ARHGAP28: variants seen among roughly 807,000 people sequenced by gnomAD.
ARHGAP28 encodes rho GTPase-activating protein 28.
Under a neutral mutation model 90.7 loss-of-function variants are expected in ARHGAP28, and 56 were observed. The ratio of observed to expected loss-of-function variants is 0.62; its 90% CI spans 0.50 to 0.77. ARHGAP28 has a LOEUF of 0.77. ARHGAP28 is among the 30% of genes least tolerant of loss of function. The pLI, the probability that ARHGAP28 is intolerant of heterozygous loss-of-function variation, is 0.00. For synonymous variants in ARHGAP28, 308 were observed against 323.3 expected, an observed-to-expected ratio of 0.95 and a Z score of 0.51; for missense variants, 869 against 900.9, an observed-to-expected ratio of 0.96 and a Z score of 0.45.
At chr18:6,912,012 C>A (rs1358978328) in intron 17 of ARHGAP28, 48 bp from the exon 18 acceptor site, 6 of 1,320,866 alleles carry the variant, frequency 4.5e-6, no homozygotes, top group Non-Finnish European at 6.4e-6. Flanking sequence ...TGCGCACGCA[C>A]ACACACACAA....
At chr18:6,877,563 G>T (rs1367766858) in intron 10 of ARHGAP28, among the ~76,000 whole-genome samples, 1 of 152,214 alleles carries the variant, frequency 6.6e-6, no homozygotes, top group Non-Finnish European at 1.5e-5. Flanking sequence ...CGTGAAGCGA[G>T]GTCGGAGCAG....
intron 1 of ARHGAP28, among the ~76,000 whole-genome samples, chr18:6,742,465 C>T (rs568403078): frequency 5.3e-5 from 8 of 151,998 alleles, no homozygotes; most frequent in Non-Finnish European, 7.4e-5. Flanking sequence ...CCATCGTGCC[C>T]GGCCATGACT....
chr18:6,736,428 G>GTTTATTA (rs1005380962), intron 1 of ARHGAP28, among the ~76,000 whole-genome samples: 4 of 151,612 alleles, frequency 2.6e-5, no homozygotes, highest in Non-Finnish European at 5.9e-5. Context: ...GGAAGCAAAT[G>GTTTATTA]TTTATTAATA....
chr18:6,873,770 CA>C lies in ARHGAP28; in HGVS notation c.1212del (p.Lys404AsnfsTer54), dbSNP rs1422848169. The C allele has an allele frequency of 6.2e-7, 1 of 1,612,980 alleles. No homozygotes were observed. Among genetic ancestry groups the C allele is most frequent in the African/African-American group, 1.3e-5 (1 of 74,816 alleles). ...DPGVKVPLVL[Q>X]KFFEKVEESG... ...TGGAGTGAAAGTTCCCCTGGTATTA[CA>C]AAAAGTGAGTAGCAGGCAAATGAAA... On this transcript the variant is annotated frameshift_variant, in exon 9 of 18. Transcript: ENST00000383472. LOFTEE classifies it high-confidence loss of function.
chr18:6,772,748 T>G (rs2056253311), intron 1 of ARHGAP28, among the ~76,000 whole-genome samples: 1 of 152,118 alleles, frequency 6.6e-6, no homozygotes, highest in African/African-American at 2.4e-5. Flanking sequence ...TTTTATTTTT[T>G]TTTGAGACGG....
At chr18:6,845,665 A>G (rs2056860882) in intron 3 of ARHGAP28, among the ~76,000 whole-genome samples, 1 of 152,186 alleles carries the variant, frequency 6.6e-6, no homozygotes, top group South Asian at 2.1e-4. Context: ...ATAAGTGAGA[A>G]CATGCAGTGT....
rs74348152 is a variant in ARHGAP28, at chr18:6,818,927, A to G, written c.123-5835A>G. Among the ~76,000 whole-genome samples, 1,367 of 152,334 alleles carry G rather than the reference A, an allele frequency of 9.0e-3. 15 individuals are homozygous for G. Among genetic ancestry groups the G allele is most frequent in the African/African-American group, 0.03 (1,266 of 41,570 alleles). On this transcript the variant is annotated intron_variant, in intron 1 of 17. Transcript: ENST00000383472. ...AGAATTCACATTTACTTATAACTGC[A>G]AGGGGAAGCTACGTGTCCCCACTTT...
At chr18:6,778,176 G>A (rs1021209625) in intron 1 of ARHGAP28, among the ~76,000 whole-genome samples, 2 of 152,178 alleles carry the variant, frequency 1.3e-5, no homozygotes, top group East Asian at 3.9e-4. Flanking sequence ...TTGATTAGCT[G>A]TATCAACCTT....
chr18:6,741,840 T>C (rs925028518), intron 1 of ARHGAP28, among the ~76,000 whole-genome samples: 4 of 152,226 alleles, frequency 2.6e-5, no homozygotes, highest in Non-Finnish European at 5.9e-5. Flanking sequence ...TGAAAGCTAT[T>C]GAATCAAAAT....
chr18:6,867,764 G>T (rs2057048698), intron 5 of ARHGAP28, among the ~76,000 whole-genome samples: 1 of 152,112 alleles, frequency 6.6e-6, no homozygotes, highest in Non-Finnish European at 1.5e-5. Flanking sequence ...ATTAACAAAT[G>T]ATATTATAAT....
chr18:6,757,124 C>G lies in ARHGAP28; in HGVS notation c.122+27181C>G, dbSNP rs183037410. Among the ~76,000 whole-genome samples, 346 of 152,240 alleles carry G rather than the reference C, an allele frequency of 2.3e-3. 2 individuals are homozygous for G. The highest frequency in any genetic ancestry group is 0.02 in the Middle Eastern group (6 of 294). On this transcript the variant is annotated intron_variant, in intron 1 of 17. Coordinates refer to ENST00000383472, the MANE Select transcript of ARHGAP28 (RefSeq NM_001366230.1). ...CAGTAAAGAGCATTACTTAAAAAAT[C>G]AAGAAAATACTCTTTCTAACCGTTT...
At chr18:6,815,264 A>T (rs1007917822) in intron 1 of ARHGAP28, among the ~76,000 whole-genome samples, 1 of 152,230 alleles carries the variant, frequency 6.6e-6, no homozygotes, top group African/African-American at 2.4e-5. Context: ...AGGGAGCAAG[A>T]TCATTTCCTA....
At chr18:6,881,487 G>A (rs1480919217) in intron 10 of ARHGAP28, among the ~76,000 whole-genome samples, 5 of 152,186 alleles carry the variant, frequency 3.3e-5, no homozygotes, top group Admixed American at 1.3e-4. Context: ...AAATTTGTTA[G>A]CCAAGTAGAA....
chr18:6,751,682 C>T (rs145526859), intron 1 of ARHGAP28, among the ~76,000 whole-genome samples: 114 of 152,320 alleles, frequency 7.5e-4, no homozygotes, highest in South Asian at 2.7e-3. Context: ...TGGTTCTCTA[C>T]GGGGGTGTCC....
At chr18:6,895,754 A>G (rs1039815327) in intron 15 of ARHGAP28, among the ~76,000 whole-genome samples, 2 of 152,166 alleles carry the variant, frequency 1.3e-5, no homozygotes, top group East Asian at 1.9e-4. Context: ...GCAATGACCT[A>G]TTTCCAAATA....
rs1220476037 is a variant in ARHGAP28, at chr18:6,915,427, T to G, written c.*3273T>G. On this transcript the variant is annotated 3_prime_UTR_variant, in exon 18 of 18. Transcript: ENST00000383472. ...TCTGACAGGCAGTTTTTAACTGTTTTCCACAAATAAAAATAATATGTCATG... is the reference window on the plus strand; with the variant it reads ...TCTGACAGGCAGTTTTTAACTGTTTGCCACAAATAAAAATAATATGTCATG... The G allele has an allele frequency of 6.6e-6, 1 of 152,242 alleles. No individual in the cohort carries two copies. The highest frequency in any genetic ancestry group is 1.5e-5 in the Non-Finnish European group (1 of 68,046). The allele number at this position is 152,242 out of a possible 1,614,324, so 9.4% of individuals were successfully genotyped here.
At chr18:6,893,773 T>C (rs2057283417) in intron 14 of ARHGAP28, among the ~76,000 whole-genome samples, 1 of 152,048 alleles carries the variant, frequency 6.6e-6, no homozygotes, top group South Asian at 2.1e-4. Context: ...AACCAAGATA[T>C]GGTATTTATA....
chr18:6,821,281 C>CT (rs1226626110), intron 1 of ARHGAP28, among the ~76,000 whole-genome samples: 1 of 152,192 alleles, frequency 6.6e-6, no homozygotes, highest in African/African-American at 2.4e-5. Flanking sequence ...CTTAATGCCA[C>CT]TTTGAATTTA....
At chr18:6,839,164 C>T (rs77410742) in intron 3 of ARHGAP28, among the ~76,000 whole-genome samples, 2,009 of 152,164 alleles carry the variant, frequency 0.013, 86 homozygotes, top group East Asian at 0.12. Context: ...GGACAAGTAA[C>T]GTGTCTTGTG....
Sources: gnomAD v4.1 joint callset for allele counts (sites outside exome capture counted in the v4.1 genomes callset) on GRCh38, gnomAD v4.1.1 for gene constraint, MANE v1.5 for transcripts, NCBI Gene and HGNC (gene_info 2026-07-23, HGNC 2026-07-21) for gene names.